PDE10A: variants seen among roughly 807,000 people sequenced by gnomAD.
PDE10A encodes the protein cAMP and cAMP-inhibited cGMP 3',5'-cyclic phosphodiesterase 10A.
A neutral mutation model predicts 97.7 loss-of-function variants in PDE10A; 39 were observed. The ratio of observed to expected loss-of-function variants is 0.40; its 90% CI spans 0.31 to 0.52. The LOEUF (loss-of-function observed/expected upper bound fraction) is 0.52. PDE10A is among the 20% of genes least tolerant of loss of function. The pLI is 0.56. For synonymous variants in PDE10A, 371 were observed against 376.8 expected, an observed-to-expected ratio of 0.98 and a Z score of 0.18; for missense variants, 731 against 1,047.8, an observed-to-expected ratio of 0.70 and a Z score of 4.17.
At chr6:165,617,502 C>G (rs1178125129) in intron 1 of PDE10A, among the ~76,000 whole-genome samples, 1 of 152,032 alleles carries the variant, frequency 6.6e-6, no homozygotes, top group African/African-American at 2.4e-5. Flanking sequence ...TTAAAATAAG[C>G]CTTTACATCT....
rs1362106114 is a variant in PDE10A, at chr6:165,874,891, A to G, written c.-615+112638T>C. Among the ~76,000 whole-genome samples, 7 of 152,164 alleles carry G rather than the reference A, an allele frequency of 4.6e-5. No individual in the cohort carries two copies. In the East Asian group the frequency reaches 1.3e-3, roughly 29 times the overall value. Reference sequence around the variant, plus strand: ...CTTCCTCACTTCTCCAGGGCTCAAAAAGACAAGGAACTTAATCTGAGAAAG... The same window carrying G: ...CTTCCTCACTTCTCCAGGGCTCAAAGAGACAAGGAACTTAATCTGAGAAAG... On this transcript the variant is annotated intron_variant, in intron 1 of 19. Transcript: ENST00000366882.
At chr6:165,953,024 A>G (rs1458854632) in intron 1 of PDE10A, among the ~76,000 whole-genome samples, 2 of 152,160 alleles carry the variant, frequency 1.3e-5, no homozygotes, top group African/African-American at 4.8e-5. Context: ...GAGACTCATA[A>G]AATGAAAATC....
rs78538927 is a variant in PDE10A at position 165,768,131 on chromosome 6, C to T, written c.-615+219398G>A. 2.4e-3 allele frequency among the ~76,000 whole-genome samples: 371 copies of T among 152,118 alleles called. 1 individual carries two copies. The highest frequency in any genetic ancestry group is 8.2e-3 in the African/African-American group (341 of 41,528). On this transcript the variant is annotated intron_variant, in intron 1 of 19. Coordinates refer to the PDE10A transcript ENST00000366882. Reference sequence around the variant, plus strand: ...CCTTTGCACATTTTTTTGTAAATTGCGTTATTTGCCTTTTTATCGTTGAGT... The same window carrying T: ...CCTTTGCACATTTTTTTGTAAATTGTGTTATTTGCCTTTTTATCGTTGAGT...
rs1490948160 is a variant in PDE10A at position 165,631,828 on chromosome 6, T to C, written c.865+30119A>G. ...AGAAATACTCTTAAACACACAAAAA[T>C]GGAAAATAAACGACCACCCAAAGAT... is the stretch of plus-strand genomic sequence containing the variant. On this transcript the variant is annotated intron_variant, in intron 1 of 21. Transcript: ENST00000539869. Among the ~76,000 whole-genome samples, 3 of 152,114 alleles carry C rather than the reference T, an allele frequency of 2.0e-5. No individual in the cohort carries two copies. In the East Asian group the frequency reaches 5.8e-4, roughly 29 times the overall value.
At chr6:165,700,734 T>C (rs1414224414) in intron 1 of PDE10A, among the ~76,000 whole-genome samples, 2 of 152,240 alleles carry the variant, frequency 1.3e-5, no homozygotes, top group African/African-American at 4.8e-5. Flanking sequence ...CATTTTTGAA[T>C]AGCATTTATG....
At chr6:165,616,326 AAC>A (rs1475411231) in intron 1 of PDE10A, among the ~76,000 whole-genome samples, 1 of 152,156 alleles carries the variant, frequency 6.6e-6, no homozygotes, top group Non-Finnish European at 1.5e-5. Context: ...TTAGCCAAGA[AAC>A]AGTGTAAGTC....
At chr6:165,583,519 A>G (rs1428912431) in intron 1 of PDE10A, among the ~76,000 whole-genome samples, 1 of 152,188 alleles carries the variant, frequency 6.6e-6, no homozygotes, top group African/African-American at 2.4e-5. Context: ...TAAATGATAT[A>G]ACTTCAAGGT....
At chr6:165,860,245 A>G (rs2498583) in intron 1 of PDE10A, among the ~76,000 whole-genome samples, 117,874 of 152,142 alleles carry the variant, frequency 0.77, 46,035 homozygotes, top group East Asian at 0.96. Context: ...CATGAGGTTG[A>G]GAGATCGAGA....
intron 1 of PDE10A, among the ~76,000 whole-genome samples, chr6:165,884,955 T>C (rs1781587549): frequency 6.6e-6 from 1 of 152,184 alleles, no homozygotes; most frequent in Non-Finnish European, 1.5e-5. Flanking sequence ...ATTGCAAGGC[T>C]GTGTCGTCCT....
intron 20 of PDE10A, among the ~76,000 whole-genome samples, chr6:165,338,321 C>A (rs1298173571): frequency 6.6e-6 from 1 of 152,126 alleles, no homozygotes; most frequent in Non-Finnish European, 1.5e-5. Context: ...ATCCTGTGGA[C>A]TTTTTTAAAC....
At chr6:165,971,547 T>C (rs899105036) in intron 1 of PDE10A, among the ~76,000 whole-genome samples, 4 of 152,218 alleles carry the variant, frequency 2.6e-5, no homozygotes, top group Non-Finnish European at 4.4e-5. Context: ...GTACGTTTCA[T>C]TTTCATTTCT....
chr6:165,880,771 G>A (rs1451086339), intron 1 of PDE10A, among the ~76,000 whole-genome samples: 3 of 152,214 alleles, frequency 2.0e-5, no homozygotes, highest in Non-Finnish European at 4.4e-5. Flanking sequence ...TTGGGAACAG[G>A]CTCAGCTGGC....
chr6:165,847,439 G>A (rs1780450495), intron 1 of PDE10A, among the ~76,000 whole-genome samples: 1 of 152,234 alleles, frequency 6.6e-6, no homozygotes, highest in Admixed American at 6.5e-5. Flanking sequence ...CACAGACAAC[G>A]CTTCCACGGC....
At chr6:165,555,063 G>A (rs1043703393) in intron 1 of PDE10A, among the ~76,000 whole-genome samples, 2 of 152,058 alleles carry the variant, frequency 1.3e-5, no homozygotes, top group African/African-American at 2.4e-5. Flanking sequence ...AATCATTAAT[G>A]GGCACCAAAA....
chr6:165,976,323 C>T (rs1162550405), intron 1 of PDE10A, among the ~76,000 whole-genome samples: 3 of 152,114 alleles, frequency 2.0e-5, no homozygotes, highest in Non-Finnish European at 2.9e-5. Flanking sequence ...AAAATCAGGC[C>T]TCTCACCATC....
At chr6:165,696,103 T>C (rs151280131) in intron 1 of PDE10A, among the ~76,000 whole-genome samples, 1 of 151,936 alleles carries the variant, frequency 6.6e-6, no homozygotes, top group African/African-American at 2.4e-5. Flanking sequence ...TGTGTTGGTG[T>C]TGGGGAGGGG....
chr6:165,455,440 G>C (rs978370304), intron 3 of PDE10A, among the ~76,000 whole-genome samples: 1 of 152,188 alleles, frequency 6.6e-6, no homozygotes, highest in Non-Finnish European at 1.5e-5. Context: ...GAAGAAGTGA[G>C]ACTTGGAGAA....
chr6:165,706,875 A>G (rs1262860650), intron 1 of PDE10A, among the ~76,000 whole-genome samples: 1 of 152,234 alleles, frequency 6.6e-6, no homozygotes, highest in Non-Finnish European at 1.5e-5. Flanking sequence ...CTTAGCCTTC[A>G]TCCCAAGCCC....
intron 8 of PDE10A, 142 bp downstream of exon 8, chr6:165,431,280 A>T: frequency 2.0e-6 from 1 of 492,776 alleles, no homozygotes; most frequent in Non-Finnish European, 3.7e-6. Context: ...TGATTAAGTT[A>T]AAATTTCTAG....
Sources: allele counts gnomAD v4.1 joint callset (sites outside exome capture counted in the v4.1 genomes callset), GRCh38; gene constraint gnomAD v4.1.1; transcripts MANE v1.5; gene names NCBI Gene and HGNC (gene_info 2026-07-23, HGNC 2026-07-21).